KLRG1: variants seen among roughly 807,000 people sequenced by gnomAD.
KLRG1 encodes killer cell lectin like receptor G1, also known as killer cell lectin-like receptor subfamily G member 1.
KLRG1 carries 16 observed loss-of-function variants against 21.8 expected under a neutral mutation model. The ratio of observed to expected loss-of-function variants is 0.73; its 90% confidence interval spans 0.50 to 1.11. KLRG1 has a LOEUF of 1.11. KLRG1 is among the 50% of genes most tolerant of loss of function. The pLI is 0.00. For missense variants in KLRG1, 173 were observed against 218.3 expected, an observed-to-expected ratio of 0.79 and a Z score of 1.31; for synonymous variants, 69 against 75.9, an observed-to-expected ratio of 0.91 and a Z score of 0.47.
chr12:9,087,138 G>GA, the KLRG1 span, among the ~76,000 whole-genome samples: 12 of 151,712 alleles, frequency 7.9e-5, no homozygotes, highest in South Asian at 1.9e-3. Flanking sequence ...ACAAATAAAT[G>GA]AAAAAAAATA....
At chr12:9,040,474 A>G in the KLRG1 span, among the ~76,000 whole-genome samples, 1 of 152,232 alleles carries the variant, frequency 6.6e-6, no homozygotes, top group African/African-American at 2.4e-5. Flanking sequence ...TTCAACCCAA[A>G]TATTTATTGT....
the KLRG1 span, among the ~76,000 whole-genome samples, chr12:9,023,257 A>G: frequency 6.6e-6 from 1 of 152,152 alleles, no homozygotes; most frequent in Non-Finnish European, 1.5e-5. Context: ...GTTAGAGGAC[A>G]CTTAGCTGCT....
the KLRG1 span, chr12:9,153,354 C>G: frequency 1.2e-5 from 20 of 1,605,104 alleles, no homozygotes; most frequent in East Asian, 1.1e-4. Flanking sequence ...CTGGAAGAGA[C>G]GAGTGGACAA....
the KLRG1 span, among the ~76,000 whole-genome samples, chr12:9,024,741 C>T: frequency 6.6e-6 from 1 of 152,162 alleles, no homozygotes; most frequent in Non-Finnish European, 1.5e-5. Context: ...TGACTTCACC[C>T]CTGGTTCCAT....
the KLRG1 span, among the ~76,000 whole-genome samples, chr12:9,060,008 T>C: frequency 2.9e-5 from 4 of 138,858 alleles, no homozygotes; most frequent in East Asian, 4.1e-4. Flanking sequence ...TTTTTTTTTT[T>C]TTTTTTTTTT....
the KLRG1 span, chr12:9,067,601 C>T: frequency 1.6e-6 from 1 of 616,304 alleles, no homozygotes; most frequent in Admixed American, 2.4e-5. Context: ...TTTTTGTATT[C>T]TGAAGTCCTT....
the KLRG1 span, among the ~76,000 whole-genome samples, chr12:9,172,641 A>C: frequency 6.6e-6 from 1 of 152,166 alleles, no homozygotes; most frequent in African/African-American, 2.4e-5. Context: ...GATGGAGGAA[A>C]ATTTACCAAG....
the KLRG1 span, chr12:9,067,526 A>G: frequency 1.1e-5 from 5 of 466,180 alleles, no homozygotes; most frequent in East Asian, 1.7e-4. Context: ...TACATAACCC[A>G]ATACTTTCTT....
chr12:9,089,376 T>G, the KLRG1 span: 3 of 729,528 alleles, frequency 4.1e-6, no homozygotes, highest in African/African-American at 5.3e-5. Context: ...CTAAGAAAAT[T>G]CTGTACATAT....
intron 1 of KLRG1, among the ~76,000 whole-genome samples, chr12:8,975,613 G>A (rs1311061769): frequency 2.6e-5 from 4 of 151,814 alleles, no homozygotes; most frequent in Non-Finnish European, 5.9e-5. Context: ...GCCTAGGCTG[G>A]AGTGCAGTGG....
chr12:8,997,902 T>G (rs1277821013), intron 3 of KLRG1, among the ~76,000 whole-genome samples: 1 of 152,094 alleles, frequency 6.6e-6, no homozygotes, highest in Non-Finnish European at 1.5e-5. Context: ...TTCTCCTGCC[T>G]TAGCCTCCCA....
the KLRG1 span, among the ~76,000 whole-genome samples, chr12:9,071,611 A>C: frequency 6.6e-6 from 1 of 152,102 alleles, no homozygotes; most frequent in Non-Finnish European, 1.5e-5. Context: ...ACCCTCAAGT[A>C]GGCTCTGGTG....
chr12:9,105,604 T>A, the KLRG1 span, among the ~76,000 whole-genome samples: 1 of 152,170 alleles, frequency 6.6e-6, no homozygotes, highest in Non-Finnish European at 1.5e-5. Flanking sequence ...CATTTGCACA[T>A]CTGCTGACAA....
the KLRG1 span, among the ~76,000 whole-genome samples, chr12:9,034,953 A>G: frequency 1.3e-5 from 2 of 152,204 alleles, no homozygotes; most frequent in Admixed American, 1.3e-4. Flanking sequence ...AGTGATATTG[A>G]TGATCCTGAC....
the KLRG1 span, among the ~76,000 whole-genome samples, chr12:9,016,780 A>T: frequency 1.3e-5 from 2 of 151,612 alleles, no homozygotes; most frequent in African/African-American, 4.8e-5. Flanking sequence ...CACCTGGCTA[A>T]TTTTTTCATT....
chr12:9,154,282 T>A, the KLRG1 span, among the ~76,000 whole-genome samples: 2 of 152,206 alleles, frequency 1.3e-5, no homozygotes, highest in African/African-American at 4.8e-5. Context: ...TGAGGATAGT[T>A]CCTTTTACAA....
the KLRG1 span, among the ~76,000 whole-genome samples, chr12:9,191,033 A>C: frequency 6.6e-6 from 1 of 152,158 alleles, no homozygotes; most frequent in African/African-American, 2.4e-5. Flanking sequence ...TGATTTAATT[A>C]GCTATATAGA....
the KLRG1 span, among the ~76,000 whole-genome samples, chr12:9,195,115 A>T: frequency 6.6e-6 from 1 of 152,192 alleles, no homozygotes; most frequent in Non-Finnish European, 1.5e-5. Flanking sequence ...CAAAAAAAGG[A>T]CAAATATTTA....
At chr12:8,974,400 C>G (rs1027025675) in intron 1 of KLRG1, among the ~76,000 whole-genome samples, 19 of 152,154 alleles carry the variant, frequency 1.2e-4, no homozygotes, top group Admixed American at 9.8e-4. Context: ...ATCTCCTGAC[C>G]TTGTGATCCA....
Sources: gnomAD v4.1 joint callset for allele counts (sites outside exome capture counted in the v4.1 genomes callset) on GRCh38, gnomAD v4.1.1 for gene constraint, MANE v1.5 for transcripts, NCBI Gene and HGNC (gene_info 2026-07-23, HGNC 2026-07-21) for gene names.